The following DNAI1 variants were observed in gnomAD, a reference collection of about 807,000 sequenced individuals.
The protein encoded by DNAI1 is dynein axonemal intermediate chain 1.
A neutral mutation model predicts 92.0 loss-of-function variants in DNAI1; 67 were observed. That is an observed-to-expected ratio of 0.73 (90% CI 0.60 to 0.89). The LOEUF is 0.89. Ranked by LOEUF, DNAI1 falls within the 40% of genes least tolerant of loss-of-function variation. The pLI is 0.00. For missense variants in DNAI1, 839 were observed against 866.6 expected (o/e 0.97, Z 0.40); for synonymous variants, 323 against 319.6 (o/e 1.01, Z -0.11).
intron 9 of DNAI1, among the ~76,000 whole-genome samples, chr9:34,494,853 C>G (rs1260853528): frequency 1.3e-5 from 2 of 152,226 alleles, no homozygotes; most frequent in African/African-American, 4.8e-5. Context: ...TGTGCACCCT[C>G]TCCCCAAGGC....
rs905627146 is a variant in DNAI1, at chr9:34,506,674, A to C, written c.1111A>C (p.Lys371Gln). ...SRGMLLLYSL[K>Q]NPSFPEYMFS... ...GGGCATGCTGCTGCTCTACAGCCTG[A>C]AGAACCCCAGCTTCCCTGAGTACAT... Residue 371 changes from lysine to glutamine, a missense_variant, in exon 13 of 20, where the codon AAG becomes CAG. Transcript: ENST00000242317. The C allele has an allele frequency of 3.1e-6, 5 of 1,614,086 alleles. No homozygotes were observed. The highest frequency in any genetic ancestry group is 4.2e-6 in the Non-Finnish European group (5 of 1,180,050).
intron 1 of DNAI1, among the ~76,000 whole-genome samples, chr9:34,464,516 C>T (rs895026207): frequency 2.6e-5 from 4 of 152,024 alleles, no homozygotes; most frequent in Non-Finnish European, 5.9e-5. Flanking sequence ...CACAACCTGC[C>T]CCCAATGCCC....
At chr9:34,512,824 C>G (rs139714359) in intron 15 of DNAI1, among the ~76,000 whole-genome samples, 1 of 152,336 alleles carries the variant, frequency 6.6e-6, no homozygotes, top group African/African-American at 2.4e-5. Flanking sequence ...TTACCCTGAC[C>G]CTGACCCTGT....
At chr9:34,515,056 A>G (rs959327202) in intron 18 of DNAI1, among the ~76,000 whole-genome samples, 2 of 152,158 alleles carry the variant, frequency 1.3e-5, no homozygotes, top group Non-Finnish European at 2.9e-5. Flanking sequence ...GGCTCCATCT[A>G]AGGAAAAATG....
intron 1 of DNAI1, among the ~76,000 whole-genome samples, chr9:34,472,387 C>T (rs191116215): frequency 6.6e-6 from 1 of 152,132 alleles, no homozygotes; most frequent in Admixed American, 6.5e-5. Flanking sequence ...CTTTTAAATC[C>T]GATACTTTCT....
intron 1 of DNAI1, among the ~76,000 whole-genome samples, chr9:34,460,220 C>T (rs1823923181): frequency 6.6e-6 from 1 of 152,202 alleles, no homozygotes; most frequent in Non-Finnish European, 1.5e-5. Flanking sequence ...AAGGCAGTCC[C>T]AGTTTCCCAA....
chr9:34,483,128 T>G (rs1233902316), intron 1 of DNAI1, among the ~76,000 whole-genome samples: 1 of 152,166 alleles, frequency 6.6e-6, no homozygotes, highest in Non-Finnish European at 1.5e-5. Context: ...TCAGCCCCGG[T>G]TCCCGCTGGT....
intron 1 of DNAI1, among the ~76,000 whole-genome samples, chr9:34,480,082 T>G (rs1824320164): frequency 6.6e-6 from 1 of 152,162 alleles, no homozygotes; most frequent in African/African-American, 2.4e-5. Flanking sequence ...TCCTTTCCAA[T>G]GTGCCATGCT....
chr9:34,508,887 T>G (rs937447076), intron 13 of DNAI1, among the ~76,000 whole-genome samples: 2 of 152,214 alleles, frequency 1.3e-5, no homozygotes, highest in Admixed American at 1.3e-4. Context: ...AAGACTCAGT[T>G]TTTTATATAG....
At chr9:34,491,412 T>G in intron 7 of DNAI1, 83 bp from the exon 8 acceptor site, 8 of 1,507,696 alleles carry the variant, frequency 5.3e-6, no homozygotes, top group Non-Finnish European at 7.4e-6. Flanking sequence ...CCAGCCAAAA[T>G]GCTTCTCTCA....
intron 1 of DNAI1, among the ~76,000 whole-genome samples, chr9:34,477,305 T>A (rs1824257361): frequency 6.6e-6 from 1 of 152,202 alleles, no homozygotes; most frequent in East Asian, 1.9e-4. Context: ...AGATCATTTG[T>A]AGATAGTGAT....
chr9:34,462,957 C>T (rs1823976645), intron 1 of DNAI1, among the ~76,000 whole-genome samples: 1 of 152,028 alleles, frequency 6.6e-6, no homozygotes, highest in Non-Finnish European at 1.5e-5. Context: ...GGTAAAGTGG[C>T]AATAAATAAA....
intron 9 of DNAI1, among the ~76,000 whole-genome samples, chr9:34,496,637 C>T (rs953339094): frequency 6.6e-6 from 1 of 152,170 alleles, no homozygotes; most frequent in African/African-American, 2.4e-5. Flanking sequence ...GGCCTTGGTG[C>T]CTTCCTCAGC....
At chr9:34,465,581 C>T (rs1228161034) in intron 1 of DNAI1, among the ~76,000 whole-genome samples, 1 of 152,216 alleles carries the variant, frequency 6.6e-6, no homozygotes, top group Admixed American at 6.5e-5. Context: ...TATCAGATTA[C>T]AAAACAGCTG....
chr9:34,507,126 T>G (rs746282532), intron 13 of DNAI1, among the ~76,000 whole-genome samples: 25 of 151,960 alleles, frequency 1.6e-4, no homozygotes, highest in Non-Finnish European at 3.4e-4. Context: ...TTGCTAAAGA[T>G]CTCTTAGATG....
chr9:34,518,421 G>A (rs538875239), intron 19 of DNAI1, among the ~76,000 whole-genome samples: 1 of 152,342 alleles, frequency 6.6e-6, no homozygotes, highest in South Asian at 2.1e-4. Context: ...AGGGCTGGGA[G>A]TGTGGCTGGC....
intron 13 of DNAI1, among the ~76,000 whole-genome samples, chr9:34,511,497 C>T (rs1205279829): frequency 6.6e-6 from 1 of 152,022 alleles, no homozygotes; most frequent in Non-Finnish European, 1.5e-5. Flanking sequence ...GAGACGGGGG[C>T]CTGCTCCTCT....
intron 15 of DNAI1, 29 bp downstream of exon 15, chr9:34,512,453 G>A: frequency 4.4e-6 from 7 of 1,606,712 alleles, no homozygotes; most frequent in Non-Finnish European, 6.0e-6. Flanking sequence ...TCACCTCCAG[G>A]CCTGGCCAGG....
chr9:34,514,628 C>T lies in DNAI1; in HGVS notation c.1719-12C>T, dbSNP rs768943866. 8.7e-6 allele frequency: 14 copies of T among 1,614,114 alleles called. No individual in the cohort carries two copies. The highest frequency in any genetic ancestry group is 1.0e-5 in the Non-Finnish European group (12 of 1,180,052). On this transcript the variant is annotated splice_polypyrimidine_tract_variant and intron_variant, in intron 17 of 19. Transcript: ENST00000242317. ...CTCTGTGCCATGGGCTTTCCACCCT[C>T]CACCTCTGCAGGACCCCGATGTTCA...
Sources: gnomAD v4.1 joint callset for allele counts (sites outside exome capture counted in the v4.1 genomes callset) on GRCh38, gnomAD v4.1.1 for gene constraint, MANE v1.5 for transcripts, NCBI Gene and HGNC (gene_info 2026-07-23, HGNC 2026-07-21) for gene names.